Variants in TMTC2 observed in about 807,000 individuals in gnomAD.
The protein encoded by TMTC2 is protein O-mannosyl-transferase TMTC2.
Under a neutral mutation model 82.4 loss-of-function variants are expected in TMTC2, and 43 were observed. That is an observed-to-expected ratio of 0.52 (90% CI 0.41 to 0.67). The LOEUF is 0.67. Ranked by LOEUF, TMTC2 falls within the 30% of genes least tolerant of loss-of-function variation. The probability of loss-of-function intolerance (pLI) is 0.00; values close to 1 mark genes in which losing one functional copy is unlikely to be tolerated. For synonymous variants in TMTC2, 408 were observed against 381.9 expected (o/e 1.07, Z -0.80); for missense variants, 919 against 1,012.4 (o/e 0.91, Z 1.25).
At chr12:82,835,585 A>C (rs565227171) in intron 1 of TMTC2, among the ~76,000 whole-genome samples, 2 of 152,278 alleles carry the variant, frequency 1.3e-5, no homozygotes, top group Admixed American at 6.5e-5. Flanking sequence ...CTGTTAACCT[A>C]ATCATTCCTC....
intron 10 of TMTC2, among the ~76,000 whole-genome samples, chr12:83,056,162 A>G (rs925058274): frequency 1.3e-5 from 2 of 151,996 alleles, no homozygotes; most frequent in Admixed American, 6.6e-5. Context: ...TTTATAATAA[A>G]TTTTGTAAAG....
chr12:82,747,386 A>G (rs1170968878), intron 1 of TMTC2, among the ~76,000 whole-genome samples: 1 of 152,228 alleles, frequency 6.6e-6, no homozygotes, highest in African/African-American at 2.4e-5. Context: ...GAGCTGGGAT[A>G]GAAGCTTGTC....
At chr12:82,778,588 G>A (rs1877716717) in intron 1 of TMTC2, among the ~76,000 whole-genome samples, 2 of 152,162 alleles carry the variant, frequency 1.3e-5, no homozygotes, top group South Asian at 2.1e-4. Context: ...AGTGGCTAAC[G>A]CCTGTAATCC....
chr12:82,971,527 G>GA (rs1878446060), intron 7 of TMTC2, among the ~76,000 whole-genome samples: 3 of 151,860 alleles, frequency 2.0e-5, no homozygotes, highest in Non-Finnish European at 4.4e-5. Flanking sequence ...AGGGATTATA[G>GA]GAAACTAAAT....
chr12:82,707,692 G>A (rs1873427192), intron 1 of TMTC2, among the ~76,000 whole-genome samples: 2 of 152,176 alleles, frequency 1.3e-5, no homozygotes, highest in Non-Finnish European at 2.9e-5. Flanking sequence ...CATATGAGTG[G>A]AAAGGAGGCA....
chr12:82,880,501 C>T (rs925140824), intron 2 of TMTC2, among the ~76,000 whole-genome samples: 12 of 152,168 alleles, frequency 7.9e-5, no homozygotes, highest in Non-Finnish European at 1.3e-4. Flanking sequence ...TGCATTTGAA[C>T]GAGGGCATGT....
At chr12:82,797,584 C>T (rs1369579315) in intron 1 of TMTC2, among the ~76,000 whole-genome samples, 2 of 152,072 alleles carry the variant, frequency 1.3e-5, no homozygotes, top group Non-Finnish European at 2.9e-5. Flanking sequence ...AAAAATGAGT[C>T]ACCTCAAAAG....
At chr12:82,805,155 A>G (rs567114015) in intron 1 of TMTC2, among the ~76,000 whole-genome samples, 49 of 152,264 alleles carry the variant, frequency 3.2e-4, no homozygotes, top group African/African-American at 1.2e-3. Context: ...GCAAAGGTAG[A>G]GGAGAACAAA....
intron 4 of TMTC2, 55 bp downstream of exon 4, chr12:82,930,600 G>A (rs1875977052): frequency 2.8e-6 from 3 of 1,073,320 alleles, no homozygotes; most frequent in Admixed American, 2.1e-5. Context: ...GCAGTGAGAG[G>A]GACTATTGAT....
At chr12:83,114,686 G>T (rs941481588) in intron 11 of TMTC2, among the ~76,000 whole-genome samples, 2 of 152,020 alleles carry the variant, frequency 1.3e-5, no homozygotes, top group African/African-American at 4.8e-5. Flanking sequence ...GGCAAACATA[G>T]ACATTAATTA....
At chr12:82,772,460 T>C (rs910238223) in intron 1 of TMTC2, among the ~76,000 whole-genome samples, 2 of 152,256 alleles carry the variant, frequency 1.3e-5, no homozygotes, top group South Asian at 2.1e-4. Flanking sequence ...TTTATAATTC[T>C]ATCTTCACTT....
At chr12:83,109,292 A>G (rs927377227) in intron 11 of TMTC2, among the ~76,000 whole-genome samples, 1 of 152,176 alleles carries the variant, frequency 6.6e-6, no homozygotes, top group Non-Finnish European at 1.5e-5. Context: ...ACTTTTAAAC[A>G]CACCAGATTT....
At chr12:82,802,483 G>A (rs1055250358) in intron 1 of TMTC2, among the ~76,000 whole-genome samples, 2 of 152,174 alleles carry the variant, frequency 1.3e-5, no homozygotes, top group Non-Finnish European at 2.9e-5. Flanking sequence ...CGAGGACTGG[G>A]AGGGCTGCCA....
At chr12:82,897,530 T>A (rs1207035434) in intron 3 of TMTC2, among the ~76,000 whole-genome samples, 1 of 152,114 alleles carries the variant, frequency 6.6e-6, no homozygotes, top group Non-Finnish European at 1.5e-5. Flanking sequence ...CATAAGCCAT[T>A]TTTATTCTTT....
At chr12:83,114,619 T>G (rs1884697680) in intron 11 of TMTC2, among the ~76,000 whole-genome samples, 1 of 152,202 alleles carries the variant, frequency 6.6e-6, no homozygotes, top group South Asian at 2.1e-4. Flanking sequence ...AAGCTGTAAT[T>G]TCCACAATAT....
At chr12:82,972,979 A>G (rs1286106580) in intron 7 of TMTC2, among the ~76,000 whole-genome samples, 2 of 152,176 alleles carry the variant, frequency 1.3e-5, no homozygotes, top group African/African-American at 2.4e-5. Flanking sequence ...GATGGTTTAT[A>G]TGCTTAATGT....
At chr12:82,717,265 C>T (rs1344917700) in intron 1 of TMTC2, among the ~76,000 whole-genome samples, 2 of 151,586 alleles carry the variant, frequency 1.3e-5, no homozygotes, top group African/African-American at 2.4e-5. Flanking sequence ...GCTCTTGTCG[C>T]CCAGGCTGTA....
chr12:82,889,265 T>TC (rs1393737153), intron 2 of TMTC2, among the ~76,000 whole-genome samples: 11 of 140,220 alleles, frequency 7.8e-5, no homozygotes, highest in Admixed American at 5.7e-4. Context: ...AGACAGAGTC[T>TC]CCAAAAAAAA....
chr12:82,720,714 C>T (rs753336884), intron 1 of TMTC2, among the ~76,000 whole-genome samples: 4 of 152,200 alleles, frequency 2.6e-5, no homozygotes, highest in Admixed American at 6.5e-5. Flanking sequence ...GTTGATGTCA[C>T]CAGCGCTTGT....
Sources: gnomAD v4.1 joint callset for allele counts (sites outside exome capture counted in the v4.1 genomes callset) on GRCh38, gnomAD v4.1.1 for gene constraint, MANE v1.5 for transcripts, NCBI Gene and HGNC (gene_info 2026-07-23, HGNC 2026-07-21) for gene names.